The following ANTXR2 variants were observed in gnomAD, a reference collection of about 807,000 sequenced individuals.
The protein encoded by ANTXR2 is anthrax toxin receptor 2.
In ANTXR2, 44 loss-of-function variants were observed where a neutral mutation model predicts 73.7. The ratio of observed to expected loss-of-function variants is 0.60; its 90% CI spans 0.47 to 0.77. The LOEUF (loss-of-function observed/expected upper bound fraction) is 0.77, where lower values mean the gene tolerates loss of function less well. Among genes scored for constraint, ANTXR2 ranks in the 30% least tolerant of loss-of-function variants. The pLI, the probability that ANTXR2 is intolerant of heterozygous loss-of-function variation, is 0.00. For synonymous variants in ANTXR2, 217 were observed against 205.9 expected (o/e 1.05, Z -0.46); for missense variants, 604 against 592.5 (o/e 1.02, Z -0.20).
chr4:80,029,400 T>C (rs1436527652), intron 10 of ANTXR2, among the ~76,000 whole-genome samples: 1 of 152,036 alleles, frequency 6.6e-6, no homozygotes, highest in Non-Finnish European at 1.5e-5. Context: ...TTTTCCTCTA[T>C]CCTGGTACAA....
intron 16 of ANTXR2, among the ~76,000 whole-genome samples, chr4:79,955,442 C>T (rs1303388181): frequency 1.3e-5 from 2 of 151,472 alleles, no homozygotes; most frequent in African/African-American, 4.9e-5. Context: ...TTATTGCTGG[C>T]CTCATGAAAT....
intron 16 of ANTXR2, among the ~76,000 whole-genome samples, chr4:79,955,647 A>AT (rs1403943934): frequency 6.6e-6 from 1 of 152,088 alleles, no homozygotes; most frequent in Non-Finnish European, 1.5e-5. Flanking sequence ...TTGAAATTAG[A>AT]TTTTTTTAAA....
chr4:79,999,674 CTCAT>C (rs1303185031), intron 12 of ANTXR2, among the ~76,000 whole-genome samples: 3 of 151,816 alleles, frequency 2.0e-5, no homozygotes, highest in Non-Finnish European at 4.4e-5. Context: ...TCTTTATTAA[CTCAT>C]TAAGTAATAA....
At chr4:79,992,365 G>C (rs571154535) in intron 12 of ANTXR2, among the ~76,000 whole-genome samples, 10 of 151,512 alleles carry the variant, frequency 6.6e-5, no homozygotes, top group Non-Finnish European at 1.5e-4. Flanking sequence ...TTTTAGTTTA[G>C]ATCCAAACCT....
At chr4:79,984,587 G>A (rs912787490) in intron 13 of ANTXR2, among the ~76,000 whole-genome samples, 8 of 151,930 alleles carry the variant, frequency 5.3e-5, no homozygotes, top group Non-Finnish European at 7.4e-5. Context: ...AAATCTTTAT[G>A]TACTATTGAT....
chr4:79,923,386 T>C (rs763801836), intron 16 of ANTXR2, among the ~76,000 whole-genome samples: 1 of 152,090 alleles, frequency 6.6e-6, no homozygotes, highest in South Asian at 2.1e-4. Flanking sequence ...TTTAGTCACA[T>C]GAATATTCAA....
chr4:79,954,003 A>T (rs1220625020), intron 16 of ANTXR2, among the ~76,000 whole-genome samples: 2 of 152,176 alleles, frequency 1.3e-5, no homozygotes, highest in Non-Finnish European at 2.9e-5. Context: ...CTAAAACACT[A>T]AACTCTAAAC....
In ANTXR2 at chr4:79,908,920, A is replaced by G. The variant is rs1578073013; in HGVS notation, c.1429-1453T>C. ...GTTGCCAAAACACAATAAAACAATA[A>G]AAGTGTTATTTTTCACAACACGTTA... On this transcript the variant is annotated intron_variant, in intron 16 of 16. Coordinates refer to ENST00000403729, the MANE Select transcript of ANTXR2 (RefSeq NM_058172.6). 2.0e-5 allele frequency among the ~76,000 whole-genome samples: 3 copies of G among 152,292 alleles called. No homozygotes were observed. The South Asian group carries it at 6.2e-4, about 32-fold the overall frequency.
chr4:79,910,279 G>C (rs1727072155), intron 16 of ANTXR2, among the ~76,000 whole-genome samples: 1 of 152,104 alleles, frequency 6.6e-6, no homozygotes, highest in South Asian at 2.1e-4. Flanking sequence ...GGGAGGCTGA[G>C]GCAGGCAGAT....
At chr4:80,036,601 G>A (rs1732979409) in intron 7 of ANTXR2, among the ~76,000 whole-genome samples, 2 of 152,002 alleles carry the variant, frequency 1.3e-5, no homozygotes, top group South Asian at 4.1e-4. Context: ...AGGAGTTCAA[G>A]ACCAGCCTGG....
At chr4:80,034,671 T>C (rs779671725) in intron 8 of ANTXR2, among the ~76,000 whole-genome samples, 5 of 152,186 alleles carry the variant, frequency 3.3e-5, no homozygotes, top group Non-Finnish European at 7.4e-5. Context: ...ATTCCAATTA[T>C]ATTTGTAAAT....
chr4:79,947,491 A>C (rs2109977965), intron 16 of ANTXR2, among the ~76,000 whole-genome samples: 1 of 152,264 alleles, frequency 6.6e-6, no homozygotes, highest in Non-Finnish European at 1.5e-5. Context: ...CCAGCAGAAC[A>C]TTTTCTGACC....
At chr4:79,985,327 G>A (rs1309916288) in intron 12 of ANTXR2, among the ~76,000 whole-genome samples, 4 of 151,100 alleles carry the variant, frequency 2.6e-5, no homozygotes, top group African/African-American at 9.8e-5. Context: ...TCCAGCCTGG[G>A]CGACAGAGAG....
At chr4:79,914,607 C>G (rs989051560) in intron 16 of ANTXR2, among the ~76,000 whole-genome samples, 1 of 152,092 alleles carries the variant, frequency 6.6e-6, no homozygotes, top group African/African-American at 2.4e-5. Context: ...TTTTCTTATT[C>G]TCTTAGGGCT....
intron 16 of ANTXR2, among the ~76,000 whole-genome samples, chr4:79,911,008 G>T (rs1428394205): frequency 1.3e-5 from 2 of 152,164 alleles, no homozygotes; most frequent in African/African-American, 2.4e-5. Context: ...CATCCCGGTT[G>T]TAAGTGACCA....
chr4:80,002,235 G>C (rs527309430), intron 12 of ANTXR2, among the ~76,000 whole-genome samples: 2 of 152,160 alleles, frequency 1.3e-5, no homozygotes, highest in East Asian at 3.9e-4. Flanking sequence ...GAACAGAACA[G>C]AGCCCTCAGA....
chr4:80,013,073 G>A (rs1731675861), intron 11 of ANTXR2, among the ~76,000 whole-genome samples: 1 of 152,046 alleles, frequency 6.6e-6, no homozygotes, highest in Non-Finnish European at 1.5e-5. Context: ...AGAGTCAGAA[G>A]ACCAGTGATT....
chr4:79,946,269 T>C (rs1321948730), intron 16 of ANTXR2, among the ~76,000 whole-genome samples: 6 of 152,170 alleles, frequency 3.9e-5, no homozygotes. Context: ...GTTACTAAGT[T>C]AGGTCGTGTG....
intron 16 of ANTXR2, among the ~76,000 whole-genome samples, chr4:79,908,993 G>A (rs1324175364): frequency 6.6e-6 from 1 of 152,118 alleles, no homozygotes; most frequent in Non-Finnish European, 1.5e-5. Context: ...GTAGGAAAAT[G>A]ACATCATACA....
Sources: gnomAD v4.1 joint callset for allele counts (sites outside exome capture counted in the v4.1 genomes callset) on GRCh38, gnomAD v4.1.1 for gene constraint, MANE v1.5 for transcripts, NCBI Gene and HGNC (gene_info 2026-07-23, HGNC 2026-07-21) for gene names.